XRCC5: variants seen among roughly 807,000 people sequenced by gnomAD.
The protein encoded by XRCC5 is X-ray repair cross complementing 5.
In XRCC5, 12 loss-of-function variants were observed where a neutral mutation model predicts 95.7. That is an observed-to-expected ratio of 0.13 (90% CI 0.08 to 0.20). The LOEUF is 0.20. Ranked by LOEUF, XRCC5 falls within the 10% of genes least tolerant of loss-of-function variation. The pLI is 1.00. For missense variants in XRCC5, 595 were observed against 873.9 expected (o/e 0.68, Z 4.02); for synonymous variants, 281 against 290.3 (o/e 0.97, Z 0.33).
Position 216,160,140 on chromosome 2 carries a change from G to T in XRCC5, c.1743G>T (p.Leu581=). ...GAGCCCACTTCAGCGTCTCCAGTCTGGCTGAAGGCAGTGTCACCTCTGTAA... is the reference window on the plus strand; with the variant it reads ...GAGCCCACTTCAGCGTCTCCAGTCTTGCTGAAGGCAGTGTCACCTCTGTAA... ...QGGAHFSVSS[L]AEGSVTSVGS... Residue 581 remains leucine, a synonymous_variant, in exon 15 of 21, where the codon CTG becomes CTT. Transcript: ENST00000392132. 1 of 1,608,166 alleles carries T rather than the reference G, an allele frequency of 6.2e-7. No individual in the cohort carries two copies. The highest frequency in any genetic ancestry group is 1.3e-5 in the African/African-American group (1 of 74,658).
At chr2:216,171,637 A>G (rs778247932) in intron 16 of XRCC5, among the ~76,000 whole-genome samples, 103 of 152,210 alleles carry the variant, frequency 6.8e-4, no homozygotes, top group Non-Finnish European at 2.2e-4. Flanking sequence ...ATGGTATTTC[A>G]TTGGTAGCCA....
chr2:216,158,090 C>T (rs1364726), intron 14 of XRCC5, among the ~76,000 whole-genome samples: 21,553 of 152,186 alleles, frequency 0.14, 1,632 homozygotes, highest in African/African-American at 0.19. Flanking sequence ...GTTTACCCTT[C>T]TTTCCCTAGA....
In XRCC5 at chr2:216,190,544, T is replaced by C. The variant is rs534482515; in HGVS notation, c.1944+210T>C. 1.4e-4 allele frequency among the ~76,000 whole-genome samples: 22 copies of C among 152,254 alleles called. No individual in the cohort carries two copies. In the South Asian group the frequency reaches 4.4e-3, roughly 30 times the overall value. ...ATGGGATAAAGATGAGTAGGTAGGG[T>C]GTTTTATCCCTGAAAGTTGGCTTTT... is the stretch of plus-strand genomic sequence containing the variant. On this transcript the variant is annotated intron_variant, in intron 17 of 20. Transcript: ENST00000392132.
intron 16 of XRCC5, among the ~76,000 whole-genome samples, chr2:216,184,570 A>G (rs1410087914): frequency 1.3e-5 from 2 of 152,128 alleles, no homozygotes; most frequent in East Asian, 3.9e-4. Context: ...TCTGCCTCCC[A>G]GGCTCAGATG....
chr2:216,110,270 A>G (rs1275800597), intron 1 of XRCC5, among the ~76,000 whole-genome samples: 1 of 151,992 alleles, frequency 6.6e-6, no homozygotes, highest in African/African-American at 2.4e-5. Flanking sequence ...AACATAAAAG[A>G]GTGGTAGTTG....
At position 216,131,133 on chromosome 2, in the gene XRCC5, A is replaced by T. The variant is rs527532239; in HGVS notation, c.1050+146A>T. On this transcript the variant is annotated intron_variant, in intron 9 of 20. Coordinates refer to ENST00000392132, the MANE Select transcript of XRCC5 (RefSeq NM_021141.4). ...GTCTGGGGGTTAATGTTGCCATGGT[A>T]TGTATTTTATACATTGGGAAACTGA... 3 of 1,417,194 alleles carry T rather than the reference A, an allele frequency of 2.1e-6. No individual in the cohort carries two copies. The African/African-American group carries it at 4.4e-5, about 21-fold the overall frequency. The allele number at this position is 1,417,194 out of a possible 1,614,324, so 87.8% of individuals were successfully genotyped here.
chr2:216,164,637 A>G (rs1689019455), intron 16 of XRCC5, among the ~76,000 whole-genome samples: 1 of 152,190 alleles, frequency 6.6e-6, no homozygotes, highest in Non-Finnish European at 1.5e-5. Context: ...TAGAAGTAGA[A>G]AAACTGGAGC....
In XRCC5 at chr2:216,148,180, A is replaced by G; in HGVS notation, c.1574A>G (p.Lys525Arg). 6.2e-7 allele frequency: 1 copy of G among 1,614,122 alleles called. No homozygotes were observed. The highest frequency in any genetic ancestry group is 8.5e-7 in the Non-Finnish European group (1 of 1,180,006). The change falls in exon 14 of 21, where the codon AAA (lysine) becomes AGA (arginine). Residue 525 changes from lysine to arginine, a missense_variant. By Grantham distance (26) the Lys-to-Arg change is conservative. This residue lies in a region of XRCC5 where 309 missense variants were observed against 382.9 expected (regional missense o/e 0.81). Coordinates refer to ENST00000392132, the MANE Select transcript of XRCC5 (RefSeq NM_021141.4). ...MLNPPAEVTT[K>R]SQIPLSKIKT... ...AATCCTCCCGCTGAGGTGACAACAA[A>G]AAGTCAGATTCCTCTCTCTAAAATA...
At chr2:216,151,337 A>T (rs1011790057) in intron 14 of XRCC5, among the ~76,000 whole-genome samples, 2 of 152,202 alleles carry the variant, frequency 1.3e-5, no homozygotes, top group African/African-American at 4.8e-5. Context: ...TTGCATGAGA[A>T]TTCGGACATC....
At chr2:216,130,687 G>A (rs1442940652) in intron 8 of XRCC5, 188 bp from the exon 9 acceptor site, 8 of 512,578 alleles carry the variant, frequency 1.6e-5, no homozygotes, top group African/African-American at 2.0e-5. Flanking sequence ...TATTGTATGT[G>A]TGGTTTGTGT....
At chr2:216,190,471 G>T in intron 17 of XRCC5, 137 bp downstream of exon 17, 1 of 625,376 alleles carries the variant, frequency 1.6e-6, no homozygotes, top group East Asian at 3.0e-5. Context: ...TATGCCAGTG[G>T]AGCTAAAAAT....
intron 16 of XRCC5, among the ~76,000 whole-genome samples, chr2:216,165,866 A>G (rs1689046607): frequency 6.6e-6 from 1 of 152,194 alleles, no homozygotes; most frequent in African/African-American, 2.4e-5. Flanking sequence ...TAGCATAATC[A>G]AACTGAGAGT....
Position 216,150,519 on chromosome 2 carries a change from A to G in XRCC5, c.1670+2243A>G, listed in dbSNP as rs575008394. Among the ~76,000 whole-genome samples the G allele has an allele frequency of 1.6e-4, 25 of 152,324 alleles. No homozygotes were observed. The East Asian group carries it at 4.6e-3, about 28-fold the overall frequency. On this transcript the variant is annotated intron_variant, in intron 14 of 20. Coordinates refer to ENST00000392132, the MANE Select transcript of XRCC5 (RefSeq NM_021141.4). ...GTAGAATCTACTACACATCTAGGCT[A>G]TGTGGTATGGCCTTTTGTCCTCAAG...
At chr2:216,150,433 C>A (rs115213098) in intron 14 of XRCC5, among the ~76,000 whole-genome samples, 5 of 152,260 alleles carry the variant, frequency 3.3e-5, no homozygotes, top group Non-Finnish European at 7.4e-5. Context: ...TTCTGAGAAC[C>A]GTGTCATTAG....
At chr2:216,184,067 TGTGTGTGA>T (rs1175722370) in intron 16 of XRCC5, among the ~76,000 whole-genome samples, 1,691 of 120,172 alleles carry the variant, frequency 0.014, 43 homozygotes, top group African/African-American at 0.045. Flanking sequence ...TGTGTGTGTG[TGTGTGTGA>T]TTTAGAGAAA....
chr2:216,198,788 A>C, intron 19 of XRCC5, among the ~76,000 whole-genome samples: 1 of 152,096 alleles, frequency 6.6e-6, no homozygotes, highest in East Asian at 1.9e-4. Flanking sequence ...CCTGACCTCA[A>C]GTGGTCCGCC....
intron 19 of XRCC5, among the ~76,000 whole-genome samples, chr2:216,195,787 G>A (rs1350097362): frequency 6.6e-6 from 1 of 152,130 alleles, no homozygotes; most frequent in African/African-American, 2.4e-5. Flanking sequence ...AAGTTGAATA[G>A]CTCAAAAGTA....
At chr2:216,192,585 GT>G in intron 17 of XRCC5, 53 bp from the exon 18 acceptor site, 5 of 1,309,426 alleles carry the variant, frequency 3.8e-6, no homozygotes, top group Non-Finnish European at 3.1e-6. Context: ...GGGTGAATTT[GT>G]TTTTGTGTTT....
chr2:216,188,355 C>G (rs1208749173), intron 16 of XRCC5, among the ~76,000 whole-genome samples: 1 of 152,188 alleles, frequency 6.6e-6, no homozygotes, highest in Non-Finnish European at 1.5e-5. Context: ...ATTATATTCC[C>G]TATTCAACTG....
Sources: gnomAD v4.1 joint callset for allele counts (sites outside exome capture counted in the v4.1 genomes callset) on GRCh38, gnomAD v4.1.1 for gene constraint, gnomAD v4.1.1 regional missense constraint, MANE v1.5 for transcripts, NCBI Gene and HGNC (gene_info 2026-07-23, HGNC 2026-07-21) for gene names.